TARDBP: variants seen among roughly 807,000 people sequenced by gnomAD.
TARDBP encodes TAR DNA binding protein.
Under a neutral mutation model 38.3 loss-of-function variants are expected in TARDBP, and 4 were observed. That is an observed-to-expected ratio of 0.10 (90% CI 0.05 to 0.24). TARDBP has a LOEUF of 0.24. Among genes scored for constraint, TARDBP ranks in the 10% least tolerant of loss-of-function variants. The pLI, the probability that TARDBP is intolerant of heterozygous loss-of-function variation, is 1.00. For synonymous variants in TARDBP, 184 were observed against 183.8 expected (o/e 1.00, Z -0.01); for missense variants, 202 against 521.9 (o/e 0.39, Z 5.97).
intron 5 of TARDBP, among the ~76,000 whole-genome samples, chr1:11,020,806 C>G (rs2100853033): frequency 6.6e-6 from 1 of 151,836 alleles, no homozygotes; most frequent in South Asian, 2.1e-4. Flanking sequence ...CCCAGCTACT[C>G]TGGAGCCTGA....
chr1:11,014,109 G>A, intron 2 of TARDBP, 144 bp downstream of exon 2: 1 of 845,710 alleles, frequency 1.2e-6, no homozygotes, highest in South Asian at 1.3e-5. Flanking sequence ...AAGTTTGGAA[G>A]ACCACGAGTC....
downstream of TARDBP, chr1:11,029,518 ATTGC>A (rs1271778608): frequency 6.6e-6 from 1 of 151,920 alleles, no homozygotes; most frequent in African/African-American, 2.4e-5. Flanking sequence ...GTTGAAAACA[ATTGC>A]TTGGGGAAAT....
intron 4 of TARDBP, among the ~76,000 whole-genome samples, chr1:11,019,566 A>G (rs1247030781): frequency 6.6e-6 from 1 of 151,630 alleles, no homozygotes; most frequent in Non-Finnish European, 1.5e-5. Flanking sequence ...ATGTTTGCAC[A>G]ACGACTTTTT....
Position 11,018,437 on chromosome 1 carries a change from C to T in TARDBP, c.403-296C>T, listed in dbSNP as rs1570719008. ...CTCCTGTGCTCAAGCGATCCACCCTCCTCAGCATCCCAAAGCACTGGGAAT... is the reference window on the plus strand; with the variant it reads ...CTCCTGTGCTCAAGCGATCCACCCTTCTCAGCATCCCAAAGCACTGGGAAT... On this transcript the variant is annotated intron_variant, in intron 3 of 5. Coordinates refer to ENST00000240185, the MANE Select transcript of TARDBP (RefSeq NM_007375.4). 9.6e-6 allele frequency: 4 copies of T among 417,788 alleles called. No homozygotes were observed. The East Asian group carries it at 1.6e-4, about 17-fold the overall frequency. 25.9% of individuals were successfully genotyped at this position (417,788 alleles called of 1,614,324 possible). A position where few individuals can be genotyped will look rare whatever the true frequency, so the allele number is the denominator to read the frequency against.
chr1:11,023,542 C>T lies in TARDBP; in HGVS notation c.*888C>T. ...GTGGTGCATAATGGATATTTTTTAA[C>T]TTGGCGAGATGTGTCTCTCAATCCT... On this transcript the variant is annotated 3_prime_UTR_variant, in exon 6 of 6. Coordinates refer to ENST00000240185, the MANE Select transcript of TARDBP (RefSeq NM_007375.4). 3 of 442,164 alleles carry T rather than the reference C, an allele frequency of 6.8e-6. No individual in the cohort carries two copies. The allele number at this position is 442,164 out of a possible 1,614,324, so 27.4% of individuals were successfully genotyped here.
downstream of TARDBP, chr1:11,027,517 A>G: frequency 6.2e-7 from 1 of 1,614,218 alleles, no homozygotes; most frequent in African/African-American, 1.3e-5. Flanking sequence ...GTTAGGACCC[A>G]GTTGTCATAT....
rs780748146 is a variant in TARDBP at position 11,018,683 on chromosome 1, AGT to A, written c.403-44_403-43del. ...CTAAGGAACTATGATTTGGGAATGG[AGT>A]GTGTGAGTATGTGCACTTTTAGAGT... is the stretch of plus-strand genomic sequence containing the variant. On this transcript the variant is annotated intron_variant, in intron 3 of 5. Transcript: ENST00000240185. 1.5e-5 allele frequency: 25 copies of A among 1,613,098 alleles called. 1 individual carries two copies. The South Asian group carries it at 2.0e-4, about 13-fold the overall frequency.
chr1:11,027,273 GCTT>G (rs753195015), downstream of TARDBP: 25 of 1,613,890 alleles, frequency 1.5e-5, no homozygotes, highest in South Asian at 2.2e-5. Flanking sequence ...AAAGGATTCA[GCTT>G]CTTTTCTTGG....
Position 11,023,092 on chromosome 1 carries a change from A to T in TARDBP, c.*438A>T. On this transcript the variant is annotated 3_prime_UTR_variant, in exon 6 of 6. Coordinates refer to ENST00000240185, the MANE Select transcript of TARDBP (RefSeq NM_007375.4). The stretch of plus-strand genomic sequence containing the variant: ...CCTTAAGAAAATCTCCTTTTAGGAG[A>T]TCATGGTGTCACAGTGTTTGGTTCT... 6.6e-7 allele frequency: 1 copy of T among 1,507,596 alleles called. No individual in the cohort carries two copies. The highest frequency in any genetic ancestry group is 8.9e-7 in the Non-Finnish European group (1 of 1,123,578). The allele number at this position is 1,507,596 out of a possible 1,614,324, so 93.4% of individuals were successfully genotyped here. A position where few individuals can be genotyped will look rare whatever the true frequency, so the allele number is the denominator to read the frequency against.
At chr1:11,019,716 A>G (rs1967714) in intron 4 of TARDBP, among the ~76,000 whole-genome samples, 125,263 of 151,830 alleles carry the variant, frequency 0.83, 51,729 homozygotes, top group East Asian at 0.86. Flanking sequence ...ACAGGTGCCC[A>G]CCAACACGCC....
At chr1:11,029,985 C>G (rs1643814826), downstream of TARDBP, 3 of 492,078 alleles carry the variant, frequency 6.1e-6, no homozygotes, top group African/African-American at 2.0e-5. Flanking sequence ...ATGACTGATG[C>G]AGTCAGCACC....
chr1:11,027,785 A>T, downstream of TARDBP: 6 of 787,172 alleles, frequency 7.6e-6, no homozygotes, highest in African/African-American at 1.7e-5. Context: ...GACTACCTAT[A>T]CAGGCAAGTG....
At chr1:11,020,673 C>T (rs1643618744) in intron 5 of TARDBP, 74 bp downstream of exon 5, 18 of 1,541,736 alleles carry the variant, frequency 1.2e-5, no homozygotes, top group African/African-American at 2.7e-5. Flanking sequence ...CTTTGGAGGC[C>T]GAGGCGGGTG....
At chr1:11,018,172 G>T (rs529375815) in intron 3 of TARDBP, among the ~76,000 whole-genome samples, 1 of 152,250 alleles carries the variant, frequency 6.6e-6, no homozygotes, top group South Asian at 2.1e-4. Flanking sequence ...GTGAGCTACT[G>T]TGCCTGGCCT....
At position 11,023,155 on chromosome 1, in the gene TARDBP, CA is replaced by C. The variant is rs886045038; in HGVS notation, c.*505del. 8 of 1,548,204 alleles carry C rather than the reference CA, an allele frequency of 5.2e-6. No individual in the cohort carries two copies. The highest frequency in any genetic ancestry group is 7.0e-6 in the Non-Finnish European group (8 of 1,145,432). On this transcript the variant is annotated 3_prime_UTR_variant, in exon 6 of 6. Transcript: ENST00000240185. ...TTTAACACTTGTCTCCCCTCATACA[CA>C]AAAGTACAATATGAAGCCTTCATTT...
chr1:11,016,692 C>T (rs189797505), intron 2 of TARDBP, 152 bp from the exon 3 acceptor site: 9 of 738,914 alleles, frequency 1.2e-5, no homozygotes, highest in Non-Finnish European at 1.3e-5. Context: ...TTTATTCTGT[C>T]CTCTAGAGCA....
In TARDBP at chr1:11,023,277, T is replaced by G. The variant is rs1334549961; in HGVS notation, c.*623T>G. 3 of 1,547,034 alleles carry G rather than the reference T, an allele frequency of 1.9e-6. No individual in the cohort carries two copies. The African/African-American group carries it at 4.1e-5, about 21-fold the overall frequency. On this transcript the variant is annotated 3_prime_UTR_variant, in exon 6 of 6. Coordinates refer to ENST00000240185, the MANE Select transcript of TARDBP (RefSeq NM_007375.4). The stretch of plus-strand genomic sequence containing the variant: ...TTCTGCCATAGGAATACTGTCTACA[T>G]GCTTTCTCATTCAAGAATTCGTCAT...
Position 11,023,513 on chromosome 1 carries a change from C to A in TARDBP, c.*859C>A, listed in dbSNP as rs1170495254. 6 of 506,138 alleles carry A rather than the reference C, an allele frequency of 1.2e-5. No individual in the cohort carries two copies. Among genetic ancestry groups the A allele is most frequent in the Non-Finnish European group, 2.1e-5 (6 of 285,008 alleles). 31.4% of individuals were successfully genotyped at this position (506,138 alleles called of 1,614,324 possible). On this transcript the variant is annotated 3_prime_UTR_variant, in exon 6 of 6. Transcript: ENST00000240185. ...GAAAAGGAGAGAGCGCGTGCAGAGACTTGGTGGTGCATAATGGATATTTTT... is the reference window on the plus strand; with the variant it reads ...GAAAAGGAGAGAGCGCGTGCAGAGAATTGGTGGTGCATAATGGATATTTTT...
At chr1:11,030,426 T>G, downstream of TARDBP, 1 of 597,404 alleles carries the variant, frequency 1.7e-6, no homozygotes, top group Non-Finnish European at 2.9e-6. Flanking sequence ...CATGTTTGCT[T>G]GCAAAGTGGA....
Sources: gnomAD v4.1 joint callset for allele counts (sites outside exome capture counted in the v4.1 genomes callset) on GRCh38, gnomAD v4.1.1 for gene constraint, MANE v1.5 for transcripts, NCBI Gene and HGNC (gene_info 2026-07-23, HGNC 2026-07-21) for gene names.